HSD17B14: variants seen among roughly 807,000 people sequenced by gnomAD.
HSD17B14 encodes hydroxysteroid 17-beta dehydrogenase 14.
In HSD17B14, 32 loss-of-function variants were observed where a neutral mutation model predicts 32.2. That is an observed-to-expected ratio of 0.99 (90% CI 0.75 to 1.33). The LOEUF is 1.33. HSD17B14 is among the 40% of genes most tolerant of loss of function. The probability of loss-of-function intolerance (pLI) is 0.00; values close to 1 mark genes in which losing one functional copy is unlikely to be tolerated. For missense variants in HSD17B14, 370 were observed against 366.5 expected, an observed-to-expected ratio of 1.01 and a Z score of -0.08; for synonymous variants, 140 against 155.4, an observed-to-expected ratio of 0.90 and a Z score of 0.74.
chr19:48,815,026 G>T lies in HSD17B14; in HGVS notation c.474+11C>A, dbSNP rs780700121. 8.7e-6 allele frequency: 14 copies of T among 1,604,108 alleles called. No individual in the cohort carries two copies. Among genetic ancestry groups the T allele is most frequent in the Non-Finnish European group, 1.2e-5 (14 of 1,171,632 alleles). ...AGTAGGGAGGGAAGGAAGGGGTAGG[G>T]GCTGCCATACCTTGGTGGCCACATA... On this transcript the variant is annotated intron_variant, in intron 6 of 8. Coordinates refer to ENST00000263278, the MANE Select transcript of HSD17B14 (RefSeq NM_016246.3).
rs1352133457 is a variant in HSD17B14, at chr19:48,816,826, T to TCTTTCTTTCTTTCTTTCTTTCTTTCTTTC, written c.370-1686_370-1685insGAAAGAAAGAAAGAAAGAAAGAAAGAAAG. Among the ~76,000 whole-genome samples the TCTTTCTTTCTTTCTTTCTTTCTTTCTTTC allele has an allele frequency of 1.8e-3, 274 of 148,994 alleles. 2 individuals are homozygous for TCTTTCTTTCTTTCTTTCTTTCTTTCTTTC. The highest frequency in any genetic ancestry group is 6.4e-3 in the African/African-American group (255 of 39,746). Reference sequence around the variant, plus strand: ...TTCTTTCTTTCTTTCTTTCTTTCTTTTCTTTCTCTCTCTCTCTCTCTTTCT... The same window carrying TCTTTCTTTCTTTCTTTCTTTCTTTCTTTC: ...TTCTTTCTTTCTTTCTTTCTTTCTTTCTTTCTTTCTTTCTTTCTTTCTTTCTTTCTCTTTCTCTCTCTCTCTCTCTTTCT... On this transcript the variant is annotated intron_variant, in intron 5 of 8. Transcript: ENST00000263278.
At chr19:48,823,601 G>C (rs1361120740) in intron 5 of HSD17B14, among the ~76,000 whole-genome samples, 2 of 151,194 alleles carry the variant, frequency 1.3e-5, no homozygotes, top group Non-Finnish European at 2.9e-5. Context: ...TGGGCATATA[G>C]GTATTTATTA....
At chr19:48,824,769 CAA>C (rs201759749) in intron 5 of HSD17B14, among the ~76,000 whole-genome samples, 1 of 96,818 alleles carries the variant, frequency 1.0e-5, no homozygotes, top group Non-Finnish European at 2.0e-5. Context: ...TAAAGAAAGA[CAA>C]AAAAAAAAAG....
chr19:48,820,801 G>A (rs1034885069), intron 5 of HSD17B14, among the ~76,000 whole-genome samples: 3 of 151,714 alleles, frequency 2.0e-5, no homozygotes, highest in South Asian at 2.1e-4. Flanking sequence ...CCAGGAGTTC[G>A]AGACCTGCCT....
intron 5 of HSD17B14, among the ~76,000 whole-genome samples, chr19:48,824,648 C>G (rs1206448125): frequency 3.3e-5 from 5 of 151,560 alleles, no homozygotes; most frequent in Non-Finnish European, 7.4e-5. Flanking sequence ...TGCCTGTAAT[C>G]CCAGCTACTC....
Position 48,813,684 on chromosome 19 carries a change from G to A in HSD17B14, c.521C>T (p.Pro174Leu), listed in dbSNP as rs559833225. 1 of 1,614,198 alleles carries A rather than the reference G, an allele frequency of 6.2e-7. No homozygotes were observed. Among genetic ancestry groups the A allele is most frequent in the South Asian group, 1.1e-5 (1 of 91,086 alleles). Reference protein sequence around the residue: ...MTKALALDESPYGVRVNCISP... With the variant: ...MTKALALDESLYGVRVNCISP... ...TCACCAGTTGACTCGGACACCATAT[G>A]GACTTTCATCCAGGGCCAAAGCTTT... The change falls in exon 7 of 9, where the codon CCA becomes CTA. Residue 174 changes from proline to leucine, a missense_variant. Coordinates refer to ENST00000263278, the MANE Select transcript of HSD17B14 (RefSeq NM_016246.3).
chr19:48,825,971 C>G (rs892429385), intron 5 of HSD17B14, among the ~76,000 whole-genome samples: 4 of 152,036 alleles, frequency 2.6e-5, no homozygotes. Context: ...CAGGCACCCG[C>G]CACCGCGCAC....
intron 6 of HSD17B14, 152 bp from the exon 7 acceptor site, chr19:48,813,882 G>T (rs1247745315): frequency 1.3e-6 from 1 of 790,218 alleles, no homozygotes; most frequent in Non-Finnish European, 2.1e-6. Context: ...GGTTTCTTGG[G>T]AGAAACTTGG....
chr19:48,825,789 C>G (rs751740315), intron 5 of HSD17B14, among the ~76,000 whole-genome samples: 1 of 152,054 alleles, frequency 6.6e-6, no homozygotes, highest in Non-Finnish European at 1.5e-5. Context: ...CCTCCCTGCC[C>G]CGCAGGTCCT....
intron 5 of HSD17B14, among the ~76,000 whole-genome samples, chr19:48,826,512 TAAAAG>T (rs2035249151): frequency 3.1e-5 from 1 of 31,884 alleles, no homozygotes; most frequent in African/African-American, 2.0e-4. Flanking sequence ...AAAAAAAAAG[TAAAAG>T]AAAAGAAGAA....
intron 6 of HSD17B14, among the ~76,000 whole-genome samples, chr19:48,814,449 G>A (rs2035016960): frequency 6.6e-6 from 1 of 152,022 alleles, no homozygotes; most frequent in Admixed American, 6.6e-5. Context: ...TTGAACCCGG[G>A]AGGCGGAGGT....
chr19:48,820,781 T>C (rs1317524042), intron 5 of HSD17B14, among the ~76,000 whole-genome samples: 1 of 151,238 alleles, frequency 6.6e-6, no homozygotes, highest in African/African-American at 2.4e-5. Flanking sequence ...GGCGGGAGGA[T>C]AGCTTGAGCC....
chr19:48,825,882 G>T (rs564659868), intron 5 of HSD17B14, among the ~76,000 whole-genome samples: 10 of 151,900 alleles, frequency 6.6e-5, no homozygotes, highest in African/African-American at 2.2e-4. Flanking sequence ...GTGCAGTGGC[G>T]CGATCTCGGC....
intron 5 of HSD17B14, among the ~76,000 whole-genome samples, chr19:48,824,969 G>T (rs1236357816): frequency 6.6e-6 from 1 of 151,890 alleles, no homozygotes; most frequent in Non-Finnish European, 1.5e-5. Context: ...TGGGCTGGGT[G>T]CGGTGGCTCA....
chr19:48,835,934 C>G, intron 1 of HSD17B14, 91 bp from the exon 2 acceptor site: 1 of 1,179,796 alleles, frequency 8.5e-7, no homozygotes, highest in Non-Finnish European at 1.2e-6. Flanking sequence ...GCTGATCTCC[C>G]TCTCCCCTCG....
chr19:48,822,130 TTGA>T (rs2035164043), intron 5 of HSD17B14, among the ~76,000 whole-genome samples: 1 of 143,566 alleles, frequency 7.0e-6, no homozygotes. Flanking sequence ...GATGCTGATG[TTGA>T]TGGTGATGGT....
At chr19:48,831,308 A>G (rs1455067286) in intron 5 of HSD17B14, among the ~76,000 whole-genome samples, 5 of 152,228 alleles carry the variant, frequency 3.3e-5, no homozygotes, top group African/African-American at 1.2e-4. Context: ...ATAGATGGCC[A>G]GGCGTGGTGA....
intron 3 of HSD17B14, among the ~76,000 whole-genome samples, 174 bp downstream of exon 3, chr19:48,834,102 C>T (rs1027556890): frequency 5.3e-5 from 8 of 152,200 alleles, no homozygotes; most frequent in African/African-American, 1.9e-4. Flanking sequence ...GTGACCTGCC[C>T]ATCAGTCACA....
At chr19:48,830,310 C>T (rs1288066705) in intron 5 of HSD17B14, among the ~76,000 whole-genome samples, 2 of 152,126 alleles carry the variant, frequency 1.3e-5, no homozygotes, top group East Asian at 1.9e-4. Context: ...CCTAAGCCCC[C>T]GCGTTTCTGT....
Sources: gnomAD v4.1 joint callset for allele counts (sites outside exome capture counted in the v4.1 genomes callset) on GRCh38, gnomAD v4.1.1 for gene constraint, MANE v1.5 for transcripts, NCBI Gene and HGNC (gene_info 2026-07-23, HGNC 2026-07-21) for gene names.